The following KCNIP4 variants were observed in gnomAD, a reference collection of about 807,000 sequenced individuals.
KCNIP4 encodes potassium voltage-gated channel interacting protein 4, also known as Kv channel-interacting protein 4.
In KCNIP4, 12 loss-of-function variants were observed where a neutral mutation model predicts 34.0. That is an observed-to-expected ratio of 0.35 (90% CI 0.23 to 0.57). The LOEUF (loss-of-function observed/expected upper bound fraction) is 0.57. Among genes scored for constraint, KCNIP4 ranks in the 20% least tolerant of loss-of-function variants. The pLI is 0.83. For synonymous variants in KCNIP4, 124 were observed against 102.2 expected, an observed-to-expected ratio of 1.21 and a Z score of -1.29; for missense variants, 238 against 311.7, an observed-to-expected ratio of 0.76 and a Z score of 1.78.
At chr4:20,854,282 T>G (rs1045303108) in intron 2 of KCNIP4, among the ~76,000 whole-genome samples, 14 of 152,158 alleles carry the variant, frequency 9.2e-5, no homozygotes, top group African/African-American at 3.4e-4. Flanking sequence ...GACTGTGATA[T>G]ATTTATATAA....
chr4:21,082,487 G>T (rs1263322838), intron 1 of KCNIP4, among the ~76,000 whole-genome samples: 2 of 151,902 alleles, frequency 1.3e-5, no homozygotes, highest in East Asian at 3.9e-4. Flanking sequence ...ATGAACTCAA[G>T]CCTCTGTAGT....
chr4:21,414,188 T>C (rs1167551422), intron 1 of KCNIP4, among the ~76,000 whole-genome samples: 1 of 152,112 alleles, frequency 6.6e-6, no homozygotes, highest in Non-Finnish European at 1.5e-5. Flanking sequence ...GTGGTTTTAT[T>C]GCAATTATAG....
chr4:21,258,483 C>A (rs188861144), intron 1 of KCNIP4, among the ~76,000 whole-genome samples: 7 of 152,226 alleles, frequency 4.6e-5, no homozygotes, highest in Admixed American at 4.6e-4. Flanking sequence ...TATTATCCAG[C>A]AATATGGGAA....
chr4:21,062,509 C>A (rs961132573), intron 1 of KCNIP4, among the ~76,000 whole-genome samples: 3 of 148,970 alleles, frequency 2.0e-5, no homozygotes. Context: ...CAGAACCAAT[C>A]ATATATGTAT....
At chr4:21,531,571 T>G (rs896963014) in intron 1 of KCNIP4, among the ~76,000 whole-genome samples, 1 of 151,916 alleles carries the variant, frequency 6.6e-6, no homozygotes, top group Non-Finnish European at 1.5e-5. Flanking sequence ...GAGATGGGGT[T>G]TTGCCATGTT....
chr4:21,465,628 A>G (rs1729855619), intron 1 of KCNIP4, among the ~76,000 whole-genome samples: 2 of 152,180 alleles, frequency 1.3e-5, no homozygotes, highest in African/African-American at 4.8e-5. Context: ...GATATTGGAC[A>G]TTGACTTGTT....
intron 1 of KCNIP4, among the ~76,000 whole-genome samples, chr4:21,905,559 G>C (rs1322079516): frequency 1.3e-5 from 2 of 152,094 alleles, no homozygotes; most frequent in East Asian, 1.9e-4. Flanking sequence ...CCTTTGTAGG[G>C]ACATGGATGA....
At chr4:21,667,608 A>G (rs910742639) in intron 1 of KCNIP4, among the ~76,000 whole-genome samples, 9 of 152,262 alleles carry the variant, frequency 5.9e-5, no homozygotes, top group African/African-American at 2.2e-4. Context: ...AGCTGCACAG[A>G]TAAGTCTTTT....
chr4:21,294,159 G>C (rs1191849550), intron 1 of KCNIP4, among the ~76,000 whole-genome samples: 1 of 152,150 alleles, frequency 6.6e-6, no homozygotes. Context: ...ATTAAGGTGT[G>C]TTTGATATTA....
intron 1 of KCNIP4, among the ~76,000 whole-genome samples, chr4:21,017,601 T>A (rs189636717): frequency 1.7e-4 from 26 of 152,290 alleles, no homozygotes; most frequent in African/African-American, 5.3e-4. Flanking sequence ...TCGATGGGCA[T>A]TTGGCTTGAT....
intron 1 of KCNIP4, among the ~76,000 whole-genome samples, chr4:21,227,801 A>ATCCCTTTCT (rs1201925437): frequency 3.9e-5 from 6 of 152,196 alleles, no homozygotes; most frequent in African/African-American, 1.4e-4. Flanking sequence ...GAAAGGATTC[A>ATCCCTTTCT]GATATATCCC....
chr4:21,297,879 T>TA, intron 1 of KCNIP4, among the ~76,000 whole-genome samples: 1 of 152,278 alleles, frequency 6.6e-6, no homozygotes, highest in East Asian at 1.9e-4. Flanking sequence ...GAGAAGTTCA[T>TA]ACTGTGTATG....
chr4:21,586,836 T>C (rs761550515), intron 1 of KCNIP4, among the ~76,000 whole-genome samples: 1 of 152,074 alleles, frequency 6.6e-6, no homozygotes, highest in African/African-American at 2.4e-5. Flanking sequence ...TCATCACTTA[T>C]GTGTGTGCTA....
intron 1 of KCNIP4, among the ~76,000 whole-genome samples, chr4:20,933,985 A>C (rs1730773256): frequency 6.6e-6 from 1 of 152,194 alleles, no homozygotes; most frequent in Non-Finnish European, 1.5e-5. Flanking sequence ...TGAAGTGAAA[A>C]AAGGTTTTGG....
intron 1 of KCNIP4, among the ~76,000 whole-genome samples, chr4:21,266,799 G>C (rs1761838851): frequency 6.6e-6 from 1 of 152,188 alleles, no homozygotes; most frequent in Non-Finnish European, 1.5e-5. Context: ...GGACACCATG[G>C]TAAGGAGCCT....
intron 1 of KCNIP4, among the ~76,000 whole-genome samples, chr4:21,341,442 T>C (rs1235407288): frequency 1.3e-5 from 2 of 152,162 alleles, no homozygotes; most frequent in African/African-American, 4.8e-5. Flanking sequence ...TGTGCAAACA[T>C]GTGGATAAAA....
chr4:21,437,313 C>A (rs548963049), intron 1 of KCNIP4, among the ~76,000 whole-genome samples: 1 of 152,074 alleles, frequency 6.6e-6, no homozygotes, highest in Non-Finnish European at 1.5e-5. Flanking sequence ...ACAATAACAA[C>A]AAAAAATTTC....
At chr4:21,518,335 T>C (rs545179265) in intron 1 of KCNIP4, among the ~76,000 whole-genome samples, 1 of 152,318 alleles carries the variant, frequency 6.6e-6, no homozygotes, top group South Asian at 2.1e-4. Flanking sequence ...TCTTCTTTTT[T>C]TCTTCAGCAG....
chr4:21,382,149 A>G (rs1346946050), intron 1 of KCNIP4, among the ~76,000 whole-genome samples: 2 of 152,216 alleles, frequency 1.3e-5, no homozygotes, highest in Non-Finnish European at 2.9e-5. Flanking sequence ...ATGCTGAAAT[A>G]TGTAGTACTT....
Sources: allele counts gnomAD v4.1 joint callset (sites outside exome capture counted in the v4.1 genomes callset), GRCh38; gene constraint gnomAD v4.1.1; transcripts MANE v1.5; gene names NCBI Gene and HGNC (gene_info 2026-07-23, HGNC 2026-07-21).